CAB39L: variants seen among roughly 807,000 people sequenced by gnomAD.
The protein encoded by CAB39L is calcium binding protein 39 like, also known as calcium-binding protein 39-like.
Under a neutral mutation model 39.1 loss-of-function variants are expected in CAB39L, and 23 were observed. The ratio of observed to expected loss-of-function variants is 0.59; its 90% CI spans 0.42 to 0.83. CAB39L has a LOEUF of 0.83. Ranked by LOEUF, CAB39L falls within the 40% of genes least tolerant of loss-of-function variation. CAB39L has a pLI of 0.00. For synonymous variants in CAB39L, 126 were observed against 137.2 expected, an observed-to-expected ratio of 0.92 and a Z score of 0.57; for missense variants, 366 against 391.9, an observed-to-expected ratio of 0.93 and a Z score of 0.56.
chr13:49,313,421 C>T (rs1954057406), intron 10 of CAB39L, among the ~76,000 whole-genome samples: 1 of 150,872 alleles, frequency 6.6e-6, no homozygotes, highest in Admixed American at 6.6e-5. Flanking sequence ...GCGAAGCTTG[C>T]AGTGAGCTGA....
At chr13:49,439,067 CT>C (rs755223690) in intron 1 of CAB39L, among the ~76,000 whole-genome samples, 1 of 152,104 alleles carries the variant, frequency 6.6e-6, no homozygotes, top group Non-Finnish European at 1.5e-5. Flanking sequence ...CTCTTGACTC[CT>C]TTTTAAAAAT....
chr13:49,324,927 T>C (rs1055651704), intron 10 of CAB39L, among the ~76,000 whole-genome samples: 4 of 152,236 alleles, frequency 2.6e-5, no homozygotes, highest in African/African-American at 9.6e-5. Flanking sequence ...TTTTTTATGC[T>C]AGGTAATATT....
At chr13:49,361,477 CAAAAAAAA>C (rs33984866) in intron 5 of CAB39L, among the ~76,000 whole-genome samples, 6 of 54,442 alleles carry the variant, frequency 1.1e-4, no homozygotes, top group African/African-American at 3.2e-4. Flanking sequence ...GACTTCATCT[CAAAAAAAA>C]AAAAAAAAAA....
intron 9 of CAB39L, among the ~76,000 whole-genome samples, chr13:49,332,292 T>A (rs866160457): frequency 6.6e-6 from 1 of 152,226 alleles, no homozygotes; most frequent in African/African-American, 2.4e-5. Flanking sequence ...GCTTTGCTGA[T>A]GTCAGTGCTT....
intron 3 of CAB39L, among the ~76,000 whole-genome samples, chr13:49,425,881 T>C (rs1484129660): frequency 1.3e-5 from 2 of 152,232 alleles, no homozygotes; most frequent in Non-Finnish European, 2.9e-5. Flanking sequence ...GAGACACTCT[T>C]TCTTTTTAAT....
chr13:49,401,038 T>G (rs1055620801), intron 3 of CAB39L: 23 of 152,184 alleles, frequency 1.5e-4, no homozygotes, highest in Non-Finnish European at 2.6e-4. Flanking sequence ...ATAATGCATA[T>G]ATAAGTAATA....
chr13:49,396,408 A>T (rs972995987), intron 3 of CAB39L, among the ~76,000 whole-genome samples: 1 of 151,670 alleles, frequency 6.6e-6, no homozygotes, highest in Non-Finnish European at 1.5e-5. Flanking sequence ...ACCTACCACC[A>T]CATAAAAAAA....
In CAB39L at chr13:49,359,168, G is replaced by A. The variant is rs17072857; in HGVS notation, c.395+546C>T. On this transcript the variant is annotated intron_variant, in intron 6 of 10. Coordinates refer to ENST00000409308, the MANE Select transcript of CAB39L (RefSeq NM_001079670.3). ...TTATGATTCAGAGTAGCCTCCAAAT[G>A]CCCAAGAAACATTTATAAATAAGTA... is the stretch of plus-strand genomic sequence containing the variant. Among the ~76,000 whole-genome samples, 846 of 152,150 alleles carry A rather than the reference G, an allele frequency of 5.6e-3. 9 individuals are homozygous for A. The highest frequency in any genetic ancestry group is 0.039 in the East Asian group (203 of 5,174).
chr13:49,442,797 A>AAAAAAC (rs1957555984), intron 1 of CAB39L, among the ~76,000 whole-genome samples: 9 of 122,316 alleles, frequency 7.4e-5, no homozygotes, highest in African/African-American at 3.0e-4. Flanking sequence ...CAAAAAAAAA[A>AAAAAAC]AAAAAAAAAA....
intron 10 of CAB39L, among the ~76,000 whole-genome samples, chr13:49,327,702 T>C (rs1954545967): frequency 6.6e-6 from 1 of 152,230 alleles, no homozygotes; most frequent in African/African-American, 2.4e-5. Context: ...TATTTAAATA[T>C]TTGGTCATTC....
intron 6 of CAB39L, among the ~76,000 whole-genome samples, chr13:49,356,850 A>AC (rs1325073951): frequency 6.6e-6 from 1 of 152,034 alleles, no homozygotes; most frequent in Non-Finnish European, 1.5e-5. Context: ...AGATCACAAG[A>AC]CCATCTGGCT....
At chr13:49,405,408 C>T (rs1956850335) in intron 3 of CAB39L, among the ~76,000 whole-genome samples, 1 of 150,160 alleles carries the variant, frequency 6.7e-6, no homozygotes, top group South Asian at 2.1e-4. Flanking sequence ...TCAACCCAGA[C>T]CTGTCCTACA....
chr13:49,415,454 G>A (rs1007723328), intron 3 of CAB39L, among the ~76,000 whole-genome samples: 1 of 151,950 alleles, frequency 6.6e-6, no homozygotes, highest in African/African-American at 2.4e-5. Flanking sequence ...CTGGGAGGCA[G>A]AGGCTGCAGT....
chr13:49,319,073 G>A (rs1441517682), intron 10 of CAB39L, among the ~76,000 whole-genome samples: 3 of 152,016 alleles, frequency 2.0e-5, no homozygotes, highest in African/African-American at 7.3e-5. Context: ...GTGAAACCTT[G>A]TCTCTACTAA....
At chr13:49,415,507 CAAGACTCTGTCT>C (rs1957070188) in intron 3 of CAB39L, among the ~76,000 whole-genome samples, 1 of 143,586 alleles carries the variant, frequency 7.0e-6, no homozygotes, top group South Asian at 2.4e-4. Flanking sequence ...GGTGACAGAG[CAAGACTCTGTCT>C]TGGAAAAAAA....
intron 1 of CAB39L, among the ~76,000 whole-genome samples, chr13:49,439,921 G>GTTTTTTTTTTTTTTTTTTTTTTTTT (rs34993624): frequency 3.8e-5 from 3 of 78,540 alleles, no homozygotes; most frequent in Non-Finnish European, 4.7e-5. Context: ...TTTTTAATGG[G>GTTTTTTTTTTTTTTTTTTTTTTTTT]TTTTTTTTTT....
intron 3 of CAB39L, among the ~76,000 whole-genome samples, chr13:49,410,787 AG>A (rs1956974951): frequency 6.6e-6 from 1 of 152,154 alleles, no homozygotes. Context: ...TAACATATTC[AG>A]GTAATTTACT....
intron 10 of CAB39L, among the ~76,000 whole-genome samples, chr13:49,331,706 GT>G (rs906669577): frequency 3.5e-4 from 54 of 152,272 alleles, no homozygotes; most frequent in African/African-American, 1.2e-3. Flanking sequence ...TTGGGAAAGA[GT>G]ATCATGCATT....
chr13:49,436,939 T>C (rs1162393826), intron 1 of CAB39L, among the ~76,000 whole-genome samples: 2 of 151,964 alleles, frequency 1.3e-5, no homozygotes, highest in African/African-American at 4.8e-5. Context: ...AAAAACTTTT[T>C]TCCTTATTTT....
Sources: gnomAD v4.1 joint callset for allele counts (sites outside exome capture counted in the v4.1 genomes callset) on GRCh38, gnomAD v4.1.1 for gene constraint, MANE v1.5 for transcripts, NCBI Gene and HGNC (gene_info 2026-07-23, HGNC 2026-07-21) for gene names.